The following CNTNAP3B variants were observed in gnomAD, a reference collection of about 807,000 sequenced individuals.
CNTNAP3B encodes contactin-associated protein-like 3B.
A neutral mutation model predicts 108.9 loss-of-function variants in CNTNAP3B; 25 were observed. The ratio of observed to expected loss-of-function variants is 0.23; its 90% CI spans 0.17 to 0.32. The LOEUF (loss-of-function observed/expected upper bound fraction) is 0.32, where lower values mean the gene tolerates loss of function less well. Among genes scored for constraint, CNTNAP3B ranks in the 10% least tolerant of loss-of-function variants. CNTNAP3B has a pLI of 1.00. For synonymous variants in CNTNAP3B, 103 were observed against 473.4 expected, an observed-to-expected ratio of 0.22 and a Z score of 10.16; for missense variants, 252 against 1,210.4, an observed-to-expected ratio of 0.21 and a Z score of 11.75.
At chr9:42,086,447 T>TTA (rs1351811274) in intron 2 of CNTNAP3B, among the ~76,000 whole-genome samples, 4 of 143,462 alleles carry the variant, frequency 2.8e-5, no homozygotes, top group African/African-American at 8.1e-5. Context: ...TTTTTTACAT[T>TTA]TTTTTTTACA....
intron 18 of CNTNAP3B, among the ~76,000 whole-genome samples, chr9:41,919,174 G>A (rs371466840): frequency 0.025 from 3,816 of 150,802 alleles, 1 homozygote; most frequent in African/African-American, 0.086. Flanking sequence ...TCACTCTGTC[G>A]CCCAGGAGTG....
chr9:42,018,688 C>A (rs866860463), intron 3 of CNTNAP3B, among the ~76,000 whole-genome samples: 1 of 151,682 alleles, frequency 6.6e-6, no homozygotes, highest in Non-Finnish European at 1.5e-5. Context: ...TCAAAGACTT[C>A]AGCTCAGTTT....
intron 9 of CNTNAP3B, chr9:41,979,975 T>A (rs1227279471): frequency 1.0e-5 from 1 of 96,040 alleles, no homozygotes; most frequent in Non-Finnish European, 2.0e-5. Flanking sequence ...TTTTTGGCCA[T>A]TGTCCAAGGG....
intron 3 of CNTNAP3B, among the ~76,000 whole-genome samples, chr9:42,025,062 T>G (rs1826394056): frequency 7.0e-6 from 1 of 142,788 alleles, no homozygotes; most frequent in Non-Finnish European, 1.5e-5. Context: ...CTTCCCCACA[T>G]TTTCCCAAAA....
At chr9:42,052,118 ACTTCT>A (rs1185265899) in intron 3 of CNTNAP3B, among the ~76,000 whole-genome samples, 1 of 140,534 alleles carries the variant, frequency 7.1e-6, no homozygotes, top group Non-Finnish European at 1.5e-5. Context: ...ATCAAATCTG[ACTTCT>A]CTTCTATTTT....
intron 10 of CNTNAP3B, among the ~76,000 whole-genome samples, chr9:41,965,339 C>G (rs1397360670): frequency 6.6e-6 from 1 of 151,944 alleles, no homozygotes; most frequent in Non-Finnish European, 1.5e-5. Context: ...GGAGGTCTCA[C>G]ACTTTCAGAA....
intron 3 of CNTNAP3B, among the ~76,000 whole-genome samples, chr9:42,064,448 G>A (rs1489546672): frequency 5.1e-5 from 4 of 78,102 alleles, no homozygotes; most frequent in African/African-American, 5.3e-5. Flanking sequence ...TCCCAGTTCC[G>A]GATCTCTAGT....
At chr9:41,956,014 A>T (rs564373079) in intron 12 of CNTNAP3B, among the ~76,000 whole-genome samples, 232 of 152,318 alleles carry the variant, frequency 1.5e-3, no homozygotes, top group Admixed American at 3.7e-3. Flanking sequence ...CATCTAACAC[A>T]ATGCCTATTT....
rs1825382388 is a variant in CNTNAP3B, at chr9:41,969,611, G to A, written c.1649+463C>T. On this transcript the variant is annotated intron_variant, in intron 10 of 23. Transcript: ENST00000377561. ...TTAAAAAATGCTATTTATTCCATTA[G>A]AGATGCAGTTTTTGTTTTTGTTTTG... Among the ~76,000 whole-genome samples the A allele has an allele frequency of 2.0e-5, 3 of 152,088 alleles. No individual in the cohort carries two copies. The South Asian group carries it at 6.2e-4, about 32-fold the overall frequency.
At chr9:41,920,935 T>G (rs1160347489) in intron 17 of CNTNAP3B, among the ~76,000 whole-genome samples, 5 of 152,304 alleles carry the variant, frequency 3.3e-5, no homozygotes, top group Admixed American at 3.3e-4. Flanking sequence ...CATTTTGTCA[T>G]GTCAAACTTG....
intron 1 of CNTNAP3B, among the ~76,000 whole-genome samples, chr9:42,114,826 T>C (rs1449664906): frequency 7.3e-6 from 1 of 137,448 alleles, no homozygotes. Flanking sequence ...GTGGTCAAGA[T>C]GGGTGGATCA....
intron 9 of CNTNAP3B, among the ~76,000 whole-genome samples, chr9:41,970,963 G>T (rs1441101302): frequency 6.6e-6 from 1 of 151,446 alleles, no homozygotes; most frequent in East Asian, 1.9e-4. Flanking sequence ...TTGCAGTCCA[G>T]AATGTTCTAT....
intron 2 of CNTNAP3B, among the ~76,000 whole-genome samples, chr9:42,078,482 T>C (rs1289902757): frequency 7.2e-6 from 1 of 138,992 alleles, no homozygotes. Flanking sequence ...CAGACATATA[T>C]ATAAATATAA....
intron 14 of CNTNAP3B, among the ~76,000 whole-genome samples, chr9:41,931,385 T>C (rs1218940807): frequency 6.6e-6 from 1 of 152,258 alleles, no homozygotes; most frequent in African/African-American, 2.4e-5. Context: ...AACTATAATT[T>C]CTCTAGTTCT....
At chr9:41,995,828 G>C (rs1825888350) in intron 7 of CNTNAP3B, among the ~76,000 whole-genome samples, 3 of 138,724 alleles carry the variant, frequency 2.2e-5, no homozygotes, top group Non-Finnish European at 4.6e-5. Flanking sequence ...CTGAGGTCAG[G>C]AATTCGAGAC....
chr9:41,940,720 C>T (rs934074496), intron 13 of CNTNAP3B, among the ~76,000 whole-genome samples: 2 of 152,246 alleles, frequency 1.3e-5, no homozygotes, highest in Admixed American at 1.3e-4. Context: ...GAGGCTGAGG[C>T]AGGAGAATGG....
chr9:41,932,677 G>A (rs1369206849), intron 14 of CNTNAP3B, among the ~76,000 whole-genome samples: 16 of 152,204 alleles, frequency 1.1e-4, no homozygotes, highest in Admixed American at 2.6e-4. Context: ...GCGCCACTAC[G>A]CTCAGCTAAT....
At chr9:42,056,444 G>A (rs1202080014) in intron 3 of CNTNAP3B, among the ~76,000 whole-genome samples, 5 of 137,864 alleles carry the variant, frequency 3.6e-5, no homozygotes, top group Middle Eastern at 3.6e-3. Flanking sequence ...TCCACCTCCC[G>A]GGTTCACAGC....
chr9:42,056,795 T>A, intron 3 of CNTNAP3B, among the ~76,000 whole-genome samples: 1 of 109,920 alleles, frequency 9.1e-6, no homozygotes, highest in African/African-American at 4.0e-5. Context: ...TAAAATATTA[T>A]TTCCCATTTA....
Sources: gnomAD v4.1 joint callset for allele counts (sites outside exome capture counted in the v4.1 genomes callset) on GRCh38, gnomAD v4.1.1 for gene constraint, MANE v1.5 for transcripts, NCBI Gene and HGNC (gene_info 2026-07-23, HGNC 2026-07-21) for gene names.